ST6GALNAC3: variants seen among roughly 807,000 people sequenced by gnomAD.
ST6GALNAC3 encodes the protein ST6 N-acetylgalactosaminide alpha-2,6-sialyltransferase 3, also known as alpha-N-acetylgalactosaminide alpha-2,6-sialyltransferase 3.
A neutral mutation model predicts 32.7 loss-of-function variants in ST6GALNAC3; 25 were observed. The observed-to-expected ratio is 0.76, with a 90% CI of 0.56 to 1.07. The LOEUF is 1.07. ST6GALNAC3 is among the 50% of genes least tolerant of loss of function. The pLI is 0.00. For synonymous variants in ST6GALNAC3, 129 were observed against 133.1 expected (o/e 0.97, Z 0.21); for missense variants, 355 against 382.4 (o/e 0.93, Z 0.60).
intron 2 of ST6GALNAC3, among the ~76,000 whole-genome samples, chr1:76,377,479 G>GAAA: frequency 1.0e-5 from 1 of 100,226 alleles, no homozygotes; most frequent in East Asian, 3.2e-4. Context: ...AGAGAGAGAA[G>GAAA]GGGAAAGTGC....
intron 3 of ST6GALNAC3, among the ~76,000 whole-genome samples, chr1:76,497,096 G>T (rs1426779774): frequency 6.6e-6 from 1 of 152,168 alleles, no homozygotes; most frequent in East Asian, 1.9e-4. Context: ...CTTCGGGAGA[G>T]CTGGTCATGA....
At chr1:76,191,587 T>C (rs1653900321) in intron 1 of ST6GALNAC3, among the ~76,000 whole-genome samples, 2 of 152,194 alleles carry the variant, frequency 1.3e-5, no homozygotes, top group Non-Finnish European at 2.9e-5. Flanking sequence ...CTAAATACCA[T>C]GATTTGACCA....
chr1:76,242,301 G>T (rs894920371), intron 1 of ST6GALNAC3, among the ~76,000 whole-genome samples: 1 of 152,142 alleles, frequency 6.6e-6, no homozygotes, highest in Non-Finnish European at 1.5e-5. Context: ...CCCTGGGGGA[G>T]AGGAGTGCTG....
intron 1 of ST6GALNAC3, among the ~76,000 whole-genome samples, chr1:76,113,991 ATT>A (rs754290749): frequency 2.6e-4 from 32 of 125,148 alleles, no homozygotes; most frequent in African/African-American, 5.5e-4. Context: ...CGCCCGGCTA[ATT>A]TTTTTTTTTT....
intron 3 of ST6GALNAC3, among the ~76,000 whole-genome samples, chr1:76,589,396 A>G (rs932783715): frequency 2.0e-5 from 3 of 152,082 alleles, no homozygotes; most frequent in African/African-American, 7.2e-5. Flanking sequence ...TCTAACCAAC[A>G]GACCTTCCCA....
rs1662531710 is a variant in ST6GALNAC3 at position 76,521,440 on chromosome 1, A to C, written c.624-106012A>C. ...TAAGTGGGCAACTGAGCTTATCTCAAAACTTCTGGGCTCAAGCAAACCCCC... is the reference window on the plus strand; with the variant it reads ...TAAGTGGGCAACTGAGCTTATCTCACAACTTCTGGGCTCAAGCAAACCCCC... On this transcript the variant is annotated intron_variant, in intron 3 of 4. Transcript: ENST00000328299. Among the ~76,000 whole-genome samples, 3 of 152,068 alleles carry C rather than the reference A, an allele frequency of 2.0e-5. No homozygotes were observed. In the South Asian group the frequency reaches 6.2e-4, roughly 32 times the overall value.
intron 2 of ST6GALNAC3, among the ~76,000 whole-genome samples, chr1:76,335,048 A>C (rs1647351263): frequency 6.6e-6 from 1 of 152,208 alleles, no homozygotes; most frequent in Non-Finnish European, 1.5e-5. Context: ...TAAAAAGATG[A>C]ATAAAATAAG....
At chr1:76,536,154 G>C (rs1663583722) in intron 3 of ST6GALNAC3, among the ~76,000 whole-genome samples, 1 of 152,056 alleles carries the variant, frequency 6.6e-6, no homozygotes. Context: ...CTACTCAAAG[G>C]GTTTGAGAAA....
At chr1:76,092,378 G>A (rs987892967) in intron 1 of ST6GALNAC3, among the ~76,000 whole-genome samples, 1 of 152,198 alleles carries the variant, frequency 6.6e-6, no homozygotes, top group African/African-American at 2.4e-5. Context: ...TCTTATAATT[G>A]ACTATGAATG....
rs556945087 is a variant in ST6GALNAC3 at position 76,375,884 on chromosome 1, A to G, written c.214-36124A>G. Among the ~76,000 whole-genome samples the G allele has an allele frequency of 3.3e-5, 5 of 152,292 alleles. No homozygotes were observed. In the East Asian group the frequency reaches 9.6e-4, roughly 29 times the overall value. On this transcript the variant is annotated intron_variant, in intron 2 of 4. Transcript: ENST00000328299. ...AAGTTGATAAAGCAAGGTAGGGGAA[A>G]GTGTGCATAGTGTTAAAACTTGTGT...
At position 76,549,351 on chromosome 1, in the gene ST6GALNAC3, A is replaced by G. The variant is rs147441511; in HGVS notation, c.624-78101A>G. ...CTGAATTTGAGTTTACCAGTCTAGTATGCATTTTTATACTATGACTATATA... is the reference window on the plus strand; with the variant it reads ...CTGAATTTGAGTTTACCAGTCTAGTGTGCATTTTTATACTATGACTATATA... On this transcript the variant is annotated intron_variant, in intron 3 of 4. Coordinates refer to ENST00000328299, the MANE Select transcript of ST6GALNAC3 (RefSeq NM_152996.4). 1.9e-3 allele frequency among the ~76,000 whole-genome samples: 291 copies of G among 152,204 alleles called. 2 individuals are homozygous for G. Among genetic ancestry groups the G allele is most frequent in the African/African-American group, 6.1e-3 (252 of 41,544 alleles).
chr1:76,331,092 A>C (rs773560776), intron 2 of ST6GALNAC3, among the ~76,000 whole-genome samples: 21 of 152,302 alleles, frequency 1.4e-4, no homozygotes, highest in Middle Eastern at 3.4e-3. Context: ...ACTCGTGATA[A>C]TGATGTAAGA....
chr1:76,276,829 T>C (rs1659161121), intron 1 of ST6GALNAC3, among the ~76,000 whole-genome samples: 1 of 152,240 alleles, frequency 6.6e-6, no homozygotes, highest in Non-Finnish European at 1.5e-5. Context: ...CACTTGGTTT[T>C]GTCAGCATTT....
intron 1 of ST6GALNAC3, among the ~76,000 whole-genome samples, chr1:76,234,084 T>C (rs1656517273): frequency 1.3e-5 from 2 of 152,194 alleles, no homozygotes; most frequent in Non-Finnish European, 2.9e-5. Flanking sequence ...TTATTAGGTG[T>C]GAGAGCTCTG....
intron 3 of ST6GALNAC3, among the ~76,000 whole-genome samples, chr1:76,599,822 G>T: frequency 6.6e-6 from 1 of 150,990 alleles, no homozygotes; most frequent in African/African-American, 2.4e-5. Flanking sequence ...TTATTGTTTT[G>T]GGTGATGCAT....
chr1:76,322,501 A>C (rs1570816674), intron 2 of ST6GALNAC3, among the ~76,000 whole-genome samples: 1 of 152,312 alleles, frequency 6.6e-6, no homozygotes, highest in African/African-American at 2.4e-5. Flanking sequence ...TGGCTGAGTA[A>C]CCATCTTACA....
downstream of ST6GALNAC3, among the ~76,000 whole-genome samples, chr1:76,635,747 G>T (rs1223882194): frequency 6.6e-6 from 1 of 152,116 alleles, no homozygotes; most frequent in East Asian, 1.9e-4. Context: ...ATGTGGCTTT[G>T]CCCTCCTTGA....
chr1:76,616,970 G>T (rs764850856), intron 3 of ST6GALNAC3, among the ~76,000 whole-genome samples: 4 of 152,098 alleles, frequency 2.6e-5, no homozygotes, highest in African/African-American at 9.7e-5. Flanking sequence ...GTGGCTCATT[G>T]CTTAGGCTCT....
chr1:76,624,398 A>G (rs887092459), intron 3 of ST6GALNAC3, among the ~76,000 whole-genome samples: 6 of 151,558 alleles, frequency 4.0e-5, no homozygotes, highest in African/African-American at 1.5e-4. Context: ...ACTAATGACC[A>G]TTGTATCTTC....
Sources: gnomAD v4.1 joint callset for allele counts (sites outside exome capture counted in the v4.1 genomes callset) on GRCh38, gnomAD v4.1.1 for gene constraint, MANE v1.5 for transcripts, NCBI Gene and HGNC (gene_info 2026-07-23, HGNC 2026-07-21) for gene names.